ZBTB10: variants seen among roughly 807,000 people sequenced by gnomAD.
ZBTB10 encodes the protein zinc finger and BTB domain containing 10.
In ZBTB10, 32 loss-of-function variants were observed where a neutral mutation model predicts 76.4. The ratio of observed to expected loss-of-function variants is 0.42; its 90% confidence interval spans 0.32 to 0.56. The LOEUF (loss-of-function observed/expected upper bound fraction) is 0.56, where lower values mean the gene tolerates loss of function less well. Among genes scored for constraint, ZBTB10 ranks in the 20% least tolerant of loss-of-function variants. The probability of loss-of-function intolerance (pLI) is 0.14; values close to 1 mark genes in which losing one functional copy is unlikely to be tolerated. For synonymous variants in ZBTB10, 523 were observed against 432.9 expected, an observed-to-expected ratio of 1.21 and a Z score of -2.58; for missense variants, 1,057 against 1,098.5, an observed-to-expected ratio of 0.96 and a Z score of 0.53.
rs1815451410 is a variant in ZBTB10 at position 80,486,413 on chromosome 8, T to C, written c.-398T>C. ...GATATCTGTGTGGAGGATCGGTGTG[T>C]GCGCGCGCGGCTTTAAAGAGGGGGC... On this transcript the variant is annotated 5_prime_UTR_variant, in exon 1 of 6. Transcript: ENST00000455036. The C allele has an allele frequency of 1.0e-6, 1 of 984,050 alleles. No individual in the cohort carries two copies. Among genetic ancestry groups the C allele is most frequent in the Non-Finnish European group, 1.2e-6 (1 of 829,878 alleles). The allele number at this position is 984,050 out of a possible 1,614,324, so 61.0% of individuals were successfully genotyped here.
chr8:80,510,678 GTT>G (rs1491343683), intron 2 of ZBTB10, among the ~76,000 whole-genome samples: 2 of 142,898 alleles, frequency 1.4e-5, no homozygotes, highest in South Asian at 2.2e-4. Context: ...GTGTGTGTGT[GTT>G]TTAGACAAGT....
At chr8:80,508,417 A>G (rs1380627509) in intron 2 of ZBTB10, among the ~76,000 whole-genome samples, 2 of 152,220 alleles carry the variant, frequency 1.3e-5, no homozygotes, top group African/African-American at 4.8e-5. Flanking sequence ...GGAAATTTGG[A>G]AACGTTTTTA....
At position 80,486,306 on chromosome 8, in the gene ZBTB10, G is replaced by A. The variant is rs1815446938; in HGVS notation, c.-505G>A. The stretch of plus-strand genomic sequence containing the variant: ...TATTGTCGCTTCGTTATGTGGCGGA[G>A]CCGAGCAGTTTAGCGTGCCTCTCAC... On this transcript the variant is annotated 5_prime_UTR_variant, in exon 1 of 6. Transcript: ENST00000455036. 9.9e-7 allele frequency: 1 copy of A among 1,009,494 alleles called. No homozygotes were observed. The highest frequency in any genetic ancestry group is 4.1e-5 in the South Asian group (1 of 24,268). 62.5% of individuals were successfully genotyped at this position (1,009,494 alleles called of 1,614,324 possible).
chr8:80,503,455 T>G (rs1815974126), intron 2 of ZBTB10, among the ~76,000 whole-genome samples: 1 of 152,130 alleles, frequency 6.6e-6, no homozygotes, highest in Non-Finnish European at 1.5e-5. Context: ...AAAATTTGCT[T>G]CTCTATAACT....
chr8:80,489,785 A>G (rs1171829171), intron 1 of ZBTB10, among the ~76,000 whole-genome samples: 5 of 152,186 alleles, frequency 3.3e-5, no homozygotes, highest in African/African-American at 1.2e-4. Context: ...GACATTCTAT[A>G]CAATATACAT....
In ZBTB10 at chr8:80,492,477, T is replaced by C. The variant is rs143079089; in HGVS notation, c.972+4695T>C. Among the ~76,000 whole-genome samples, 238 of 152,142 alleles carry C rather than the reference T, an allele frequency of 1.6e-3. 1 individual carries two copies. Among genetic ancestry groups the C allele is most frequent in the African/African-American group, 5.3e-3 (222 of 41,502 alleles). ...GGTAGCAGTATATAATCAGGGTACA[T>C]TGAAGAATTTTTTTTTTTTTGAGAT... is the stretch of plus-strand genomic sequence containing the variant. On this transcript the variant is annotated intron_variant, in intron 1 of 5. Transcript: ENST00000455036.
intron 1 of ZBTB10, among the ~76,000 whole-genome samples, chr8:80,493,284 G>A (rs1159327767): frequency 2.0e-5 from 3 of 151,740 alleles, no homozygotes; most frequent in Admixed American, 1.3e-4. Flanking sequence ...AGAGAAGGGA[G>A]AGTTTGGTTG....
At chr8:80,510,649 T>G (rs879278637) in intron 2 of ZBTB10, among the ~76,000 whole-genome samples, 4,146 of 132,460 alleles carry the variant, frequency 0.031, 87 homozygotes, top group Middle Eastern at 0.062. Context: ...AGTGTGTGTG[T>G]GTGTGTGTGT....
Position 80,519,671 on chromosome 8 carries a change from T to A in ZBTB10, c.*143T>A. On this transcript the variant is annotated 3_prime_UTR_variant, in exon 6 of 6. Transcript: ENST00000455036. ...TGTGAAAACTGTAGGGTCAAAGCCT[T>A]ATAGCAAAAAAAATTTTTTTTTATA... 9.7e-7 allele frequency: 1 copy of A among 1,028,424 alleles called. No individual in the cohort carries two copies. The highest frequency in any genetic ancestry group is 1.4e-6 in the Non-Finnish European group (1 of 730,356). 63.7% of individuals were successfully genotyped at this position (1,028,424 alleles called of 1,614,324 possible).
At position 80,493,824 on chromosome 8, in the gene ZBTB10, CAAAAATA is replaced by C. The variant is rs371566709; in HGVS notation, c.973-5654_973-5648del. On this transcript the variant is annotated intron_variant, in intron 1 of 5. Transcript: ENST00000455036. ...GGACAACAAGAGCGAAACTTCGTCT[CAAAAATA>C]AAAAATAAAAAATAACCTGAATAAC... Among the ~76,000 whole-genome samples, 1,342 of 152,236 alleles carry C rather than the reference CAAAAATA, an allele frequency of 8.8e-3. 16 individuals are homozygous for C. Among genetic ancestry groups the C allele is most frequent in the African/African-American group, 0.03 (1,266 of 41,524 alleles).
chr8:80,485,966 A>G (rs1346496647), upstream of ZBTB10: 3 of 1,368,818 alleles, frequency 2.2e-6, no homozygotes, highest in African/African-American at 4.5e-5. Context: ...CCGGCCGCAC[A>G]CGCCCGCCCC....
intron 2 of ZBTB10, among the ~76,000 whole-genome samples, chr8:80,506,559 T>TCCCC (rs1294327591): frequency 8.5e-6 from 1 of 117,256 alleles, no homozygotes; most frequent in African/African-American, 4.7e-5. Context: ...CCTCAGGTGA[T>TCCCC]CCACCCCCCC....
At position 80,518,461 on chromosome 8, in the gene ZBTB10, T is replaced by C; in HGVS notation, c.2019T>C (p.Tyr673=). The C allele has an allele frequency of 6.4e-7, 1 of 1,553,438 alleles. No individual in the cohort carries two copies. The highest frequency in any genetic ancestry group is 8.7e-7 in the Non-Finnish European group (1 of 1,147,908). ...LMPGPSNDFK[Y]GLIPGTSNDF... is the part of the protein sequence containing the mutation. ...CTGGTCCTTCAAATGATTTCAAGTA[T>C]GGATTGATACCAGGTACTTCAAATG... The change falls in exon 4 of 6, where the codon TAT becomes TAC. Residue 673 remains tyrosine, a synonymous_variant. Transcript: ENST00000455036.
chr8:80,489,255 C>T (rs1433357866), intron 1 of ZBTB10, among the ~76,000 whole-genome samples: 1 of 152,194 alleles, frequency 6.6e-6, no homozygotes, highest in Non-Finnish European at 1.5e-5. Context: ...GAACTAACAG[C>T]TCCTGGTTTT....
intron 1 of ZBTB10, among the ~76,000 whole-genome samples, chr8:80,498,518 C>T (rs183151601): frequency 7.2e-5 from 11 of 152,290 alleles, no homozygotes; most frequent in Admixed American, 5.9e-4. Context: ...AGGCACTAAT[C>T]AAAGTGCTGG....
At chr8:80,488,718 C>A (rs558805238) in intron 1 of ZBTB10, among the ~76,000 whole-genome samples, 1 of 152,196 alleles carries the variant, frequency 6.6e-6, no homozygotes, top group Non-Finnish European at 1.5e-5. Flanking sequence ...AATCTGTGTT[C>A]AAGCCAAACA....
At chr8:80,493,193 A>ATGCGCGCGCG (rs1491520799) in intron 1 of ZBTB10, among the ~76,000 whole-genome samples, 3 of 124,504 alleles carry the variant, frequency 2.4e-5, no homozygotes, top group African/African-American at 9.7e-5. Context: ...GTGCCTCAAA[A>ATGCGCGCGCG]CGCGCGCGCG....
At chr8:80,498,934 A>C (rs1002234661) in intron 1 of ZBTB10, among the ~76,000 whole-genome samples, 1 of 152,232 alleles carries the variant, frequency 6.6e-6, no homozygotes, top group Non-Finnish European at 1.5e-5. Context: ...AGTTGAAGCA[A>C]ATTTTCCCCT....
At chr8:80,502,438 T>C (rs1297201177) in intron 2 of ZBTB10, among the ~76,000 whole-genome samples, 1 of 152,146 alleles carries the variant, frequency 6.6e-6, no homozygotes, top group Admixed American at 6.5e-5. Context: ...GGTCTCACCA[T>C]GTTGGCCAAG....
Sources: gnomAD v4.1 joint callset for allele counts (sites outside exome capture counted in the v4.1 genomes callset) on GRCh38, gnomAD v4.1.1 for gene constraint, MANE v1.5 for transcripts, NCBI Gene and HGNC (gene_info 2026-07-23, HGNC 2026-07-21) for gene names.